RBFOX2: variants seen among roughly 807,000 people sequenced by gnomAD.
The protein encoded by RBFOX2 is RNA binding protein fox-1 homolog 2.
RBFOX2 carries 10 observed loss-of-function variants against 49.1 expected under a neutral mutation model. The ratio of observed to expected loss-of-function variants is 0.20; its 90% CI spans 0.13 to 0.35. RBFOX2 has a LOEUF of 0.35. Among genes scored for constraint, RBFOX2 ranks in the 10% least tolerant of loss-of-function variants. The pLI, the probability that RBFOX2 is intolerant of heterozygous loss-of-function variation, is 1.00. For missense variants in RBFOX2, 323 were observed against 486.9 expected (o/e 0.66, Z 3.17); for synonymous variants, 183 against 187.4 (o/e 0.98, Z 0.19).
exon 5 of RBFOX2, chr22:35,768,324 T>C: frequency 3.7e-6 from 6 of 1,614,094 alleles, no homozygotes; most frequent in Non-Finnish European, 5.1e-6. Flanking sequence ...ATCAGCACTA[T>C]TCTCGAAAGT....
At chr22:35,950,205 G>A (rs1248152216) in intron 1 of RBFOX2, among the ~76,000 whole-genome samples, 1 of 149,098 alleles carries the variant, frequency 6.7e-6, no homozygotes, top group African/African-American at 2.5e-5. Context: ...TGAGGATTTA[G>A]AATTAAACAT....
intron 1 of RBFOX2, among the ~76,000 whole-genome samples, chr22:35,919,314 G>A (rs2050764247): frequency 6.6e-6 from 1 of 152,224 alleles, no homozygotes; most frequent in African/African-American, 2.4e-5. Flanking sequence ...GAGGCGCGTG[G>A]ATCACTTGAG....
intron 1 of RBFOX2, among the ~76,000 whole-genome samples, chr22:35,851,071 C>T (rs749364577): frequency 3.9e-5 from 6 of 152,142 alleles, no homozygotes; most frequent in African/African-American, 1.4e-4. Flanking sequence ...TATTACCATG[C>T]CCTCCATGCC....
chr22:35,962,149 C>A (rs544018765), upstream of RBFOX2, among the ~76,000 whole-genome samples: 1 of 152,238 alleles, frequency 6.6e-6, no homozygotes, highest in Non-Finnish European at 1.5e-5. Flanking sequence ...GGGAACTCCA[C>A]GCCTCAAGGC....
intron 1 of RBFOX2, among the ~76,000 whole-genome samples, chr22:35,824,731 T>C (rs1955270295): frequency 6.6e-6 from 1 of 152,222 alleles, no homozygotes; most frequent in Admixed American, 6.5e-5. Flanking sequence ...AATAGTTGTT[T>C]AGTAATGAAA....
At chr22:35,822,069 C>T (rs1954653675) in intron 1 of RBFOX2, 3 of 462,000 alleles carry the variant, frequency 6.5e-6, no homozygotes, top group Middle Eastern at 3.3e-4. Flanking sequence ...TCTCACTCTT[C>T]TTTCCCTCCT....
chr22:35,927,413 T>C (rs2051778565), intron 1 of RBFOX2, among the ~76,000 whole-genome samples: 3 of 152,188 alleles, frequency 2.0e-5, no homozygotes, highest in East Asian at 3.9e-4. Flanking sequence ...GAGACCAGCC[T>C]GACCAAAATG....
upstream of RBFOX2, among the ~76,000 whole-genome samples, chr22:35,964,519 A>G (rs539131550): frequency 1.3e-5 from 2 of 152,344 alleles, no homozygotes; most frequent in African/African-American, 4.8e-5. Context: ...AATTAATTTC[A>G]TAATATTTGA....
At chr22:35,805,234 G>T (rs1950508450) in intron 2 of RBFOX2, among the ~76,000 whole-genome samples, 1 of 145,452 alleles carries the variant, frequency 6.9e-6, no homozygotes, top group Non-Finnish European at 1.5e-5. Context: ...AGCTTGCAGT[G>T]AGCCGAGATC....
chr22:35,933,929 TATATA>T (rs2052724483), intron 1 of RBFOX2, among the ~76,000 whole-genome samples: 6 of 111,586 alleles, frequency 5.4e-5, no homozygotes, highest in Admixed American at 4.1e-4. Context: ...TTAAATGTTA[TATATA>T]TATATATATA....
exon 1 of RBFOX2, chr22:36,028,483 C>T: frequency 8.9e-7 from 1 of 1,122,352 alleles, no homozygotes; most frequent in South Asian, 4.4e-5. Flanking sequence ...CCACCTCCCC[C>T]TGGGCCTCGG....
chr22:36,010,550 A>G (rs1222543580), intron 1 of RBFOX2, among the ~76,000 whole-genome samples: 1 of 152,114 alleles, frequency 6.6e-6, no homozygotes, highest in Non-Finnish European at 1.5e-5. Context: ...AACAGCTAGA[A>G]TACTACCTCT....
chr22:35,940,948 G>A (rs1443663879), upstream of RBFOX2, among the ~76,000 whole-genome samples: 4 of 152,062 alleles, frequency 2.6e-5, no homozygotes, highest in East Asian at 1.9e-4. Context: ...GACTGCTAAC[G>A]GCTACCAGGT....
chr22:35,813,344 A>T (rs940802326), intron 1 of RBFOX2, among the ~76,000 whole-genome samples: 1 of 152,240 alleles, frequency 6.6e-6, no homozygotes, highest in Non-Finnish European at 1.5e-5. Flanking sequence ...AAACTATGAG[A>T]TAACAGTTCA....
intron 1 of RBFOX2, among the ~76,000 whole-genome samples, chr22:35,936,541 C>T (rs2053096057): frequency 6.6e-6 from 1 of 152,166 alleles, no homozygotes; most frequent in African/African-American, 2.4e-5. Flanking sequence ...TATTTGCACA[C>T]TCTAAGATCT....
At chr22:35,975,067 GTAGTAAAATGAATTAT>G (rs1169087803) in intron 1 of RBFOX2, among the ~76,000 whole-genome samples, 2 of 152,138 alleles carry the variant, frequency 1.3e-5, no homozygotes, top group African/African-American at 4.8e-5. Flanking sequence ...TTTGTAAAGT[GTAGTAAAATGAATTAT>G]TAGAAAAACG....
intron 1 of RBFOX2, among the ~76,000 whole-genome samples, chr22:35,888,833 G>A (rs1270724086): frequency 6.6e-6 from 1 of 152,072 alleles, no homozygotes; most frequent in African/African-American, 2.4e-5. Context: ...TTAAGAATAA[G>A]GTCTTTAAAA....
intron 1 of RBFOX2, among the ~76,000 whole-genome samples, chr22:35,821,124 C>T (rs1954361507): frequency 6.6e-6 from 1 of 152,152 alleles, no homozygotes; most frequent in Non-Finnish European, 1.5e-5. Flanking sequence ...TAATTAGATT[C>T]TATTTTTTCA....
rs1400881942 is a variant in RBFOX2, at chr22:35,795,154, G to GC, written c.253-13409dup. 1.0e-3 allele frequency among the ~76,000 whole-genome samples: 156 copies of GC among 152,226 alleles called. 1 individual carries two copies. The highest frequency in any genetic ancestry group is 3.8e-3 in the African/African-American group (156 of 41,534). ...TACTCATAGACATCAAAATTTTGGA[G>GC]CTAAAGGACAGATGTAATTATTTTT... On this transcript the variant is annotated intron_variant, in intron 2 of 11. Coordinates refer to ENST00000405409, the Ensembl canonical transcript of RBFOX2.
Sources: allele counts gnomAD v4.1 joint callset (sites outside exome capture counted in the v4.1 genomes callset), GRCh38; gene constraint gnomAD v4.1.1; transcripts MANE v1.5; gene names NCBI Gene and HGNC (gene_info 2026-07-23, HGNC 2026-07-21).